The following DGKB variants were observed in gnomAD, a reference collection of about 807,000 sequenced individuals.
The protein encoded by DGKB is diacylglycerol kinase beta, also known as 90 kDa diacylglycerol kinase.
A neutral mutation model predicts 114.3 loss-of-function variants in DGKB; 67 were observed. The observed-to-expected ratio is 0.59, with a 90% confidence interval of 0.48 to 0.72. The LOEUF is 0.72. Among genes scored for constraint, DGKB ranks in the 30% least tolerant of loss-of-function variants. The pLI, the probability that DGKB is intolerant of heterozygous loss-of-function variation, is 0.00. For synonymous variants in DGKB, 398 were observed against 323.1 expected (o/e 1.23, Z -2.49); for missense variants, 907 against 975.2 (o/e 0.93, Z 0.93).
At chr7:14,729,404 G>A (rs1403771734) in intron 5 of DGKB, among the ~76,000 whole-genome samples, 4 of 152,060 alleles carry the variant, frequency 2.6e-5, no homozygotes, top group South Asian at 2.1e-4. Context: ...TTACAGGCAC[G>A]AGCCATCATT....
At position 14,883,905 on chromosome 7, in the gene DGKB, C is replaced by T. The variant is rs1274079859; in HGVS notation, c.-188+18687G>A. Among the ~76,000 whole-genome samples the T allele has an allele frequency of 2.6e-5, 4 of 151,986 alleles. No individual in the cohort carries two copies. The East Asian group carries it at 7.7e-4, about 29-fold the overall frequency. On this transcript the variant is annotated intron_variant, in intron 1 of 25. Transcript: ENST00000402815. The stretch of plus-strand genomic sequence containing the variant: ...AACAAGTGGATTAGTAGAATAAGAC[C>T]ACCAATTAATAAATAGGTGCTTCCA...
chr7:14,726,756 G>T (rs1261070715), intron 5 of DGKB, among the ~76,000 whole-genome samples: 1 of 152,116 alleles, frequency 6.6e-6, no homozygotes, highest in African/African-American at 2.4e-5. Flanking sequence ...CTTTACGTAT[G>T]ATTTTTCTTA....
chr7:14,654,455 A>G (rs1302482864), intron 13 of DGKB, among the ~76,000 whole-genome samples: 1 of 152,080 alleles, frequency 6.6e-6, no homozygotes, highest in African/African-American at 2.4e-5. Context: ...CAAAATGACC[A>G]TACAACCCAA....
chr7:14,753,746 T>C (rs1723226), intron 4 of DGKB, among the ~76,000 whole-genome samples, 182 bp downstream of exon 4: 54,069 of 151,960 alleles, frequency 0.36, 13,317 homozygotes, highest in African/African-American at 0.69. Flanking sequence ...AATCCTTTGA[T>C]GGATTAAAAA....
At chr7:14,436,586 A>C (rs196752) in intron 21 of DGKB, among the ~76,000 whole-genome samples, 140,626 of 152,060 alleles carry the variant, frequency 0.92, 65,630 homozygotes, top group Non-Finnish European at 1. Flanking sequence ...AAGCAGATCA[A>C]CACCCTTCTT....
In DGKB at chr7:14,667,193, G is replaced by T. The variant is rs181832935; in HGVS notation, c.1134+5736C>A. The stretch of plus-strand genomic sequence containing the variant: ...ACAGCTTATAACAACGATTGGGGAG[G>T]AATGGGAAGGCTGAGAAGGGTGGTA... On this transcript the variant is annotated intron_variant, in intron 13 of 25. Coordinates refer to ENST00000402815, the MANE Select transcript of DGKB (RefSeq NM_001350709.2). 1.2e-3 allele frequency among the ~76,000 whole-genome samples: 187 copies of T among 152,066 alleles called. 1 individual carries two copies. Among genetic ancestry groups the T allele is most frequent in the Non-Finnish European group, 9.0e-4 (61 of 67,924 alleles).
intron 21 of DGKB, among the ~76,000 whole-genome samples, chr7:14,444,483 T>C (rs1312183025): frequency 1.3e-5 from 2 of 151,904 alleles, no homozygotes; most frequent in Non-Finnish European, 3.0e-5. Flanking sequence ...TAAGAATTCA[T>C]ATGCGGTCTC....
chr7:14,653,833 AT>A (rs1042796622), intron 13 of DGKB, among the ~76,000 whole-genome samples: 7 of 151,966 alleles, frequency 4.6e-5, no homozygotes, highest in Non-Finnish European at 1.0e-4. Context: ...TCATCCTAAA[AT>A]TTCTTCATCA....
intron 1 of DGKB, among the ~76,000 whole-genome samples, chr7:14,845,229 C>G (rs994919441): frequency 5.9e-5 from 9 of 151,442 alleles, no homozygotes. Context: ...ATCCTTAGAT[C>G]TGTACAGGAA....
intron 23 of DGKB, among the ~76,000 whole-genome samples, chr7:14,197,410 G>A (rs1785184017): frequency 6.6e-6 from 1 of 151,610 alleles, no homozygotes. Context: ...AAAAAGCAAA[G>A]TTCCTCTCTG....
intron 20 of DGKB, among the ~76,000 whole-genome samples, chr7:14,568,998 T>A (rs188385253): frequency 6.6e-6 from 1 of 152,230 alleles, no homozygotes; most frequent in Admixed American, 6.5e-5. Context: ...GCATCCCATA[T>A]GCTTTAAATC....
rs544241509 is a variant in DGKB at position 14,532,407 on chromosome 7, C to A, written c.1770+41805G>T. Among the ~76,000 whole-genome samples the A allele has an allele frequency of 4.0e-5, 6 of 151,254 alleles. No individual in the cohort carries two copies. In the East Asian group the frequency reaches 1.2e-3, roughly 29 times the overall value. On this transcript the variant is annotated intron_variant, in intron 20 of 25. Transcript: ENST00000402815. ...GTCTACAAGAATTATGCTTTAGAAC[C>A]AAATATATATATGGATTAAGTGTGA...
At chr7:14,849,406 T>C (rs554907484) in intron 1 of DGKB, among the ~76,000 whole-genome samples, 17 of 152,224 alleles carry the variant, frequency 1.1e-4, no homozygotes, top group Admixed American at 3.3e-4. Flanking sequence ...TTCACCCTTC[T>C]AGATGGGATT....
At chr7:14,896,722 A>G (rs1782159424) in intron 1 of DGKB, among the ~76,000 whole-genome samples, 1 of 151,802 alleles carries the variant, frequency 6.6e-6, no homozygotes, top group Admixed American at 6.6e-5. Flanking sequence ...AAAGCATAGA[A>G]TTTAAGTTAC....
intron 23 of DGKB, among the ~76,000 whole-genome samples, chr7:14,180,652 C>T (rs576321426): frequency 1.3e-5 from 2 of 152,254 alleles, no homozygotes; most frequent in East Asian, 1.9e-4. Flanking sequence ...TTGTGTTGCA[C>T]GAATTTGCCC....
intron 5 of DGKB, among the ~76,000 whole-genome samples, chr7:14,734,998 C>G (rs1018317300): frequency 6.6e-6 from 1 of 152,194 alleles, no homozygotes; most frequent in South Asian, 2.1e-4. Context: ...GCAAGAGAAC[C>G]TGCTGCTCCT....
At chr7:14,824,011 A>G (rs572405195) in intron 2 of DGKB, among the ~76,000 whole-genome samples, 2 of 152,200 alleles carry the variant, frequency 1.3e-5, no homozygotes, top group Non-Finnish European at 2.9e-5. Context: ...CAGAAGGTGA[A>G]TGAGGGTCAA....
intron 1 of DGKB, among the ~76,000 whole-genome samples, chr7:14,857,258 T>TTG (rs140695633): frequency 6.6e-4 from 92 of 138,356 alleles, no homozygotes; most frequent in Admixed American, 3.7e-3. Flanking sequence ...CTGTGTGTGT[T>TTG]TGTGTGTGTG....
intron 20 of DGKB, among the ~76,000 whole-genome samples, chr7:14,516,950 A>G (rs1441422182): frequency 6.6e-6 from 1 of 152,146 alleles, no homozygotes; most frequent in Non-Finnish European, 1.5e-5. Context: ...AATTAGAAAA[A>G]AAAAATTTTA....
Sources: gnomAD v4.1 joint callset for allele counts (sites outside exome capture counted in the v4.1 genomes callset) on GRCh38, gnomAD v4.1.1 for gene constraint, MANE v1.5 for transcripts, NCBI Gene and HGNC (gene_info 2026-07-23, HGNC 2026-07-21) for gene names.